Variants in FBXO10 observed in about 807,000 individuals in gnomAD.
FBXO10 encodes the protein F-box protein 10, also known as F-box only protein 10.
In FBXO10, 39 loss-of-function variants were observed where a neutral mutation model predicts 80.7. The ratio of observed to expected loss-of-function variants is 0.48; its 90% CI spans 0.37 to 0.63. FBXO10 has a LOEUF of 0.63. Ranked by LOEUF, FBXO10 falls within the 30% of genes least tolerant of loss-of-function variation. FBXO10 has a pLI of 0.00. For synonymous variants in FBXO10, 449 were observed against 489.6 expected, an observed-to-expected ratio of 0.92 and a Z score of 1.09; for missense variants, 1,025 against 1,269.0, an observed-to-expected ratio of 0.81 and a Z score of 2.92.
intron 10 of FBXO10, 59 bp from the exon 11 acceptor site, chr9:37,512,780 G>T: frequency 1.3e-6 from 2 of 1,538,816 alleles, no homozygotes; most frequent in Non-Finnish European, 1.8e-6. Context: ...CTGGCTGAAT[G>T]CCCTGCACAG....
intron 8 of FBXO10, among the ~76,000 whole-genome samples, chr9:37,520,447 G>A (rs189730642): frequency 1.3e-3 from 192 of 145,594 alleles, no homozygotes; most frequent in Admixed American, 1.8e-3. Flanking sequence ...CGATCCCCCC[G>A]CCTCCTGAGT....
chr9:37,522,148 C>A (rs531903872), intron 7 of FBXO10, among the ~76,000 whole-genome samples: 1 of 152,306 alleles, frequency 6.6e-6, no homozygotes, highest in South Asian at 2.1e-4. Flanking sequence ...GGCACCAATC[C>A]CTCCCTGCAT....
chr9:37,552,341 G>T (rs10973409), intron 1 of FBXO10, among the ~76,000 whole-genome samples: 79,229 of 152,072 alleles, frequency 0.52, 20,977 homozygotes, highest in African/African-American at 0.62. Flanking sequence ...GTCTTAGTCT[G>T]TTTAGTGCAA....
chr9:37,539,255 C>A (rs1349299926), intron 2 of FBXO10, among the ~76,000 whole-genome samples: 2 of 152,180 alleles, frequency 1.3e-5, no homozygotes, highest in Non-Finnish European at 2.9e-5. Context: ...TATTTAAATC[C>A]ATTTTCTCTC....
intron 1 of FBXO10, among the ~76,000 whole-genome samples, chr9:37,566,971 G>C (rs1822621975): frequency 6.6e-6 from 1 of 152,088 alleles, no homozygotes. Context: ...TGCACTGCCT[G>C]TTCATTTTGG....
At chr9:37,564,354 G>A (rs542653171) in intron 1 of FBXO10, among the ~76,000 whole-genome samples, 2 of 152,254 alleles carry the variant, frequency 1.3e-5, no homozygotes, top group African/African-American at 4.8e-5. Context: ...GGAAATGTGG[G>A]GTCGGGGCCC....
chr9:37,554,822 TA>T (rs573994846), intron 1 of FBXO10, among the ~76,000 whole-genome samples: 81 of 152,258 alleles, frequency 5.3e-4, no homozygotes, highest in African/African-American at 1.8e-3. Context: ...TATCACAGTT[TA>T]AAAAAAATTA....
At chr9:37,540,776 C>T (rs1484105640) in intron 2 of FBXO10, among the ~76,000 whole-genome samples, 1 of 152,162 alleles carries the variant, frequency 6.6e-6, no homozygotes, top group Non-Finnish European at 1.5e-5. Flanking sequence ...GTGACTAGTC[C>T]TGTATAGCCT....
chr9:37,539,634 C>T (rs58347642), intron 2 of FBXO10, among the ~76,000 whole-genome samples: 16,502 of 152,218 alleles, frequency 0.11, 1,026 homozygotes, highest in African/African-American at 0.16. Flanking sequence ...AACAAACTCT[C>T]CTTCTGGGCC....
chr9:37,557,893 A>T (rs1423289080), intron 1 of FBXO10, among the ~76,000 whole-genome samples: 1 of 152,210 alleles, frequency 6.6e-6, no homozygotes, highest in Non-Finnish European at 1.5e-5. Context: ...CTTCCATATG[A>T]AAGTATGCTA....
At chr9:37,546,869 T>C (rs1370088171) in intron 1 of FBXO10, among the ~76,000 whole-genome samples, 1 of 152,138 alleles carries the variant, frequency 6.6e-6, no homozygotes, top group Non-Finnish European at 1.5e-5. Context: ...TTAGTAGAGA[T>C]GGGGTTTCAC....
intron 1 of FBXO10, among the ~76,000 whole-genome samples, chr9:37,568,260 C>T (rs567059177): frequency 2.5e-4 from 38 of 152,160 alleles, no homozygotes; most frequent in African/African-American, 8.0e-4. Flanking sequence ...TACAATGGCG[C>T]GATCTTGGCT....
At chr9:37,513,466 G>A (rs923331333) in intron 10 of FBXO10, among the ~76,000 whole-genome samples, 4 of 152,182 alleles carry the variant, frequency 2.6e-5, no homozygotes, top group Non-Finnish European at 5.9e-5. Context: ...AGGAATGAAC[G>A]CCTTACATGC....
Position 37,534,123 on chromosome 9 carries a change from A to C in FBXO10, c.1420-2065T>G, listed in dbSNP as rs1564340708. 4.6e-5 allele frequency among the ~76,000 whole-genome samples: 7 copies of C among 152,022 alleles called. No individual in the cohort carries two copies. In the South Asian group the frequency reaches 1.2e-3, roughly 27 times the overall value. ...CATGATAATATATAAAAAATCTGGA[A>C]TGTTTATCTATGCTGTCTTAAACAA... On this transcript the variant is annotated intron_variant, in intron 3 of 10. Transcript: ENST00000432825.
At position 37,537,675 on chromosome 9, in the gene FBXO10, G is replaced by C. The variant is rs1821806391; in HGVS notation, c.854C>G (p.Pro285Arg). ...GLIKSSPTFL[P>R]TEDSDFLMSL... ...CATTAAAAAGTCAGAGTCCTCTGTG[G>C]GGAGAAAAGTGGGTGAGGACTTGAT... Residue 285 changes from proline (P) to arginine (R), a missense_variant, in exon 3 of 11, where the codon CCC (proline) becomes CGC (arginine). By Grantham distance (103) the Pro-to-Arg change is moderately radical. This residue lies in a region of FBXO10 where 450 missense variants were observed against 499.4 expected (regional missense o/e 0.90). Coordinates refer to ENST00000432825, the MANE Select transcript of FBXO10 (RefSeq NM_012166.3). 1 of 1,614,014 alleles carries C rather than the reference G, an allele frequency of 6.2e-7. No individual in the cohort carries two copies. The highest frequency in any genetic ancestry group is 8.5e-7 in the Non-Finnish European group (1 of 1,179,906).
intron 2 of FBXO10, among the ~76,000 whole-genome samples, chr9:37,540,581 G>T (rs150672071): frequency 3.3e-4 from 51 of 152,274 alleles, no homozygotes; most frequent in African/African-American, 1.1e-3. Flanking sequence ...AGACTGTTCT[G>T]CCAGGAACTA....
intron 1 of FBXO10, among the ~76,000 whole-genome samples, chr9:37,560,638 T>TTTA (rs1193815488): frequency 6.6e-6 from 1 of 151,838 alleles, no homozygotes; most frequent in Non-Finnish European, 1.5e-5. Context: ...CACTTTTTAT[T>TTTA]TTATTTTTTT....
chr9:37,520,840 G>C (rs1821322035), intron 8 of FBXO10, among the ~76,000 whole-genome samples: 1 of 152,144 alleles, frequency 6.6e-6, no homozygotes, highest in Admixed American at 6.5e-5. Context: ...GTGGGATTTG[G>C]TACTGCAGGG....
Position 37,541,514 on chromosome 9 carries a change from C to A in FBXO10, c.255G>T (p.Trp85Cys). Residue 85 changes from tryptophan to cysteine, a missense_variant, in exon 2 of 11, where the codon TGG (tryptophan) becomes TGT (cysteine). Coordinates refer to ENST00000432825, the MANE Select transcript of FBXO10 (RefSeq NM_012166.3). ...FKQHYLASKT[W>C]TKNALDLESS... Reference sequence around the variant, plus strand: ...ACTCCAAGTCCAAGGCATTCTTGGTCCATGTCTTGGATGCAAGGTAATGCT... The same window carrying A: ...ACTCCAAGTCCAAGGCATTCTTGGTACATGTCTTGGATGCAAGGTAATGCT... 1 of 1,613,948 alleles carries A rather than the reference C, an allele frequency of 6.2e-7. No homozygotes were observed. The highest frequency in any genetic ancestry group is 1.1e-5 in the South Asian group (1 of 91,060).
Sources: allele counts gnomAD v4.1 joint callset (sites outside exome capture counted in the v4.1 genomes callset), GRCh38; gene constraint gnomAD v4.1.1; regional missense constraint gnomAD v4.1.1; transcripts MANE v1.5; gene names NCBI Gene and HGNC (gene_info 2026-07-23, HGNC 2026-07-21).